Variants in TASP1 observed in about 807,000 individuals in gnomAD.
The protein encoded by TASP1 is threonine aspartase 1.
Under a neutral mutation model 56.6 loss-of-function variants are expected in TASP1, and 16 were observed. The ratio of observed to expected loss-of-function variants is 0.28; its 90% CI spans 0.19 to 0.43. The LOEUF is 0.43. TASP1 is among the 20% of genes least tolerant of loss of function. The probability of loss-of-function intolerance (pLI) is 1.00; values close to 1 mark genes in which losing one functional copy is unlikely to be tolerated. For synonymous variants in TASP1, 179 were observed against 184.2 expected, an observed-to-expected ratio of 0.97 and a Z score of 0.23; for missense variants, 393 against 511.6, an observed-to-expected ratio of 0.77 and a Z score of 2.24.
chr20:13,360,726 C>A, the TASP1 span, among the ~76,000 whole-genome samples: 2 of 152,304 alleles, frequency 1.3e-5, no homozygotes, highest in East Asian at 3.9e-4. Flanking sequence ...ATACTTTCTG[C>A]TTCCCAGCTC....
At chr20:13,201,257 G>A in the TASP1 span, among the ~76,000 whole-genome samples, 1 of 152,196 alleles carries the variant, frequency 6.6e-6, no homozygotes, top group Non-Finnish European at 1.5e-5. Context: ...AAGAAGGTCA[G>A]GAGTGTTGAA....
chr20:13,558,011 C>A (rs565124206), intron 8 of TASP1, among the ~76,000 whole-genome samples: 5 of 152,132 alleles, frequency 3.3e-5, no homozygotes, highest in Non-Finnish European at 5.9e-5. Flanking sequence ...CTTCTAAATT[C>A]TTATCCTTTG....
the TASP1 span, chr20:13,126,594 C>T: frequency 8.1e-6 from 13 of 1,613,226 alleles, no homozygotes; most frequent in East Asian, 1.8e-4. Flanking sequence ...ATTTAAGGAC[C>T]TCGTGGATTA....
the TASP1 span, among the ~76,000 whole-genome samples, chr20:13,192,258 C>T: frequency 9.2e-5 from 14 of 152,186 alleles, no homozygotes; most frequent in African/African-American, 3.1e-4. Flanking sequence ...AGAACAGGGC[C>T]GGGAATGGCA....
the TASP1 span, chr20:13,299,161 G>A: frequency 2.5e-6 from 4 of 1,610,300 alleles, no homozygotes; most frequent in Non-Finnish European, 3.4e-6. This position sits in a 1 kb window ranked among gnomAD's most constrained non-coding sequence, Gnocchi z 5.8. Context: ...CCCACTGCCC[G>A]GTACTGCATC....
intron 11 of TASP1, among the ~76,000 whole-genome samples, chr20:13,436,633 C>T (rs571656078): frequency 9.5e-4 from 145 of 152,272 alleles, no homozygotes; most frequent in Admixed American, 6.0e-3. Context: ...AGGCTACACA[C>T]TGAAAACAGG....
At chr20:13,281,231 G>A in the TASP1 span, among the ~76,000 whole-genome samples, 1 of 152,178 alleles carries the variant, frequency 6.6e-6, no homozygotes, top group South Asian at 2.1e-4. Context: ...CCAATCTGTG[G>A]ACCAAGGGAG....
In TASP1 at chr20:13,614,875, G is replaced by A. The variant is rs759544535; in HGVS notation, c.282+8571C>T. 4 of 462,872 alleles carry A rather than the reference G, an allele frequency of 8.6e-6. 1 individual carries two copies. Among genetic ancestry groups the A allele is most frequent in the South Asian group, 4.8e-5 (3 of 62,130 alleles). The allele number at this position is 462,872 out of a possible 1,614,324, so 28.7% of individuals were successfully genotyped here. On this transcript the variant is annotated intron_variant, in intron 4 of 13. Coordinates refer to ENST00000337743, the MANE Select transcript of TASP1 (RefSeq NM_017714.3). ...GTACCTGAAATTGTCCTTTCCACATGAGCTAAAACAGAAAAGACAAATGTA... is the reference window on the plus strand; with the variant it reads ...GTACCTGAAATTGTCCTTTCCACATAAGCTAAAACAGAAAAGACAAATGTA...
chr20:13,447,246 T>C (rs1421490185), intron 11 of TASP1, among the ~76,000 whole-genome samples: 6 of 152,118 alleles, frequency 3.9e-5, no homozygotes, highest in Non-Finnish European at 8.8e-5. Context: ...ACATGAAAAA[T>C]AGTAGTATCA....
intron 7 of TASP1, among the ~76,000 whole-genome samples, chr20:13,560,991 C>T (rs2046326588): frequency 6.6e-6 from 1 of 152,040 alleles, no homozygotes; most frequent in African/African-American, 2.4e-5. Flanking sequence ...CTAGGGATCC[C>T]CAATAATATT....
chr20:13,187,732 C>CAAAAAAA, the TASP1 span, among the ~76,000 whole-genome samples: 37 of 57,160 alleles, frequency 6.5e-4, no homozygotes, highest in Middle Eastern at 0.015. Flanking sequence ...GACTCCATCT[C>CAAAAAAA]AAAAAAAAAA....
At chr20:13,451,464 C>A (rs999344729) in intron 11 of TASP1, among the ~76,000 whole-genome samples, 2 of 152,050 alleles carry the variant, frequency 1.3e-5, no homozygotes, top group African/African-American at 4.8e-5. Flanking sequence ...TTAGCTAGAT[C>A]TTCTGGATAA....
intron 1 of TASP1, among the ~76,000 whole-genome samples, chr20:13,632,945 T>C (rs1187622337): frequency 1.3e-5 from 2 of 152,164 alleles, no homozygotes; most frequent in African/African-American, 4.8e-5. Flanking sequence ...AAAATAAAAT[T>C]ACACTTAAAT....
chr20:13,108,752 T>G, the TASP1 span, among the ~76,000 whole-genome samples: 1 of 152,134 alleles, frequency 6.6e-6, no homozygotes, highest in Non-Finnish European at 1.5e-5. Context: ...TTTTTTGTAT[T>G]TTTAGTAGAG....
chr20:13,124,121 C>G, the TASP1 span, among the ~76,000 whole-genome samples: 1 of 152,142 alleles, frequency 6.6e-6, no homozygotes, highest in African/African-American at 2.4e-5. Context: ...GAAAACCCAC[C>G]CAGCTTTTTT....
At chr20:13,219,410 C>T in the TASP1 span, among the ~76,000 whole-genome samples, 1 of 152,162 alleles carries the variant, frequency 6.6e-6, no homozygotes, top group African/African-American at 2.4e-5. Context: ...CTTTGATCTC[C>T]CATCTGAAAT....
At chr20:13,458,151 G>A (rs2043915459) in intron 11 of TASP1, among the ~76,000 whole-genome samples, 1 of 151,976 alleles carries the variant, frequency 6.6e-6, no homozygotes, top group African/African-American at 2.4e-5. Context: ...AAACAAAAAG[G>A]TCAACATTAG....
chr20:13,456,398 T>A (rs114950593), intron 11 of TASP1, among the ~76,000 whole-genome samples: 1,724 of 152,228 alleles, frequency 0.011, 34 homozygotes, highest in African/African-American at 0.039. Context: ...AAAGTTTTGA[T>A]GGAAAATCAT....
chr20:13,208,910 A>C, the TASP1 span, among the ~76,000 whole-genome samples: 1 of 152,178 alleles, frequency 6.6e-6, no homozygotes, highest in East Asian at 1.9e-4. Context: ...TAAGACACTA[A>C]GTTTTGGGGT....
Sources: allele counts gnomAD v4.1 joint callset (sites outside exome capture counted in the v4.1 genomes callset), GRCh38; gene constraint gnomAD v4.1.1; non-coding constraint Gnocchi (gnomAD v3.1); transcripts MANE v1.5; gene names NCBI Gene and HGNC (gene_info 2026-07-23, HGNC 2026-07-21).